Variants in CSMD1 observed in about 807,000 individuals in gnomAD.
CSMD1 encodes the protein CUB and sushi domain-containing protein 1.
CSMD1 carries 213 observed loss-of-function variants against 417.5 expected under a neutral mutation model. The ratio of observed to expected loss-of-function variants is 0.51; its 90% confidence interval spans 0.46 to 0.57. The LOEUF is 0.57. Ranked by LOEUF, CSMD1 falls within the 20% of genes least tolerant of loss-of-function variation. The probability of loss-of-function intolerance (pLI) is 0.00; values close to 1 mark genes in which losing one functional copy is unlikely to be tolerated. For missense variants in CSMD1, 6,923 were observed against 4,529.7 expected, an observed-to-expected ratio of 1.53 and a Z score of -15.17; for synonymous variants, 2,862 against 1,736.8, an observed-to-expected ratio of 1.65 and a Z score of -16.11.
chr8:3,375,046 C>A (rs1375038378), intron 18 of CSMD1: 1 of 152,204 alleles, frequency 6.6e-6, no homozygotes, highest in South Asian at 2.1e-4. Flanking sequence ...TGATGATACA[C>A]CTGCTAGCTC....
In CSMD1 at chr8:4,934,309, A is replaced by G. The variant is rs375023189; in HGVS notation, c.85+60023T>C. 2.6e-4 allele frequency among the ~76,000 whole-genome samples: 39 copies of G among 152,338 alleles called. No individual in the cohort carries two copies. In the East Asian group the frequency reaches 3.9e-3, roughly 15 times the overall value. ...ATCCAACATACAGTTGTCCATATCA[A>G]CATCAACCTTGTTTTGCAGCCCTAT... is the stretch of plus-strand genomic sequence containing the variant. On this transcript the variant is annotated intron_variant, in intron 1 of 69. Transcript: ENST00000635120.
At chr8:3,906,501 T>C (rs759380962) in intron 5 of CSMD1, among the ~76,000 whole-genome samples, 11 of 149,254 alleles carry the variant, frequency 7.4e-5, no homozygotes, top group Non-Finnish European at 1.3e-4. Context: ...GATAAGAGAA[T>C]GAAAAAACAA....
intron 5 of CSMD1, among the ~76,000 whole-genome samples, chr8:3,918,856 A>G (rs919092737): frequency 4.6e-5 from 7 of 152,086 alleles, no homozygotes; most frequent in African/African-American, 1.7e-4. Flanking sequence ...GAATGACACA[A>G]TGGACTTTGG....
chr8:3,266,203 A>G (rs1450669155), intron 26 of CSMD1, among the ~76,000 whole-genome samples: 1 of 150,640 alleles, frequency 6.6e-6, no homozygotes, highest in African/African-American at 2.4e-5. Context: ...AAGAGGCAAA[A>G]TAGTGGCCAG....
intron 52 of CSMD1, among the ~76,000 whole-genome samples, chr8:3,007,358 T>C (rs988811950): frequency 2.0e-5 from 3 of 151,888 alleles, no homozygotes; most frequent in Admixed American, 6.5e-5. Context: ...TGGAAGTCAG[T>C]GTGGCGATTC....
rs73660032 is a variant in CSMD1, at chr8:3,460,458, T to A, written c.1561+8254A>T. The stretch of plus-strand genomic sequence containing the variant: ...TTTGAAACAGTGTAGGAACACTCTC[T>A]ATGTTCATTTTTTTAAAAAAGATAA... On this transcript the variant is annotated intron_variant, in intron 12 of 69. Transcript: ENST00000635120. Among the ~76,000 whole-genome samples, 374 of 152,228 alleles carry A rather than the reference T, an allele frequency of 2.5e-3. 5 individuals are homozygous for A. The highest frequency in any genetic ancestry group is 8.7e-3 in the African/African-American group (360 of 41,534).
chr8:3,508,700 G>C lies in CSMD1; in HGVS notation c.1345-14974C>G, dbSNP rs1000626093. On this transcript the variant is annotated intron_variant, in intron 10 of 69. Coordinates refer to ENST00000635120, the MANE Select transcript of CSMD1 (RefSeq NM_033225.6). The stretch of plus-strand genomic sequence containing the variant: ...ATCTATTATGGAAAATTTTCTGCGA[G>C]TTTTATGTCATGAATATTTTAAAAT... 3.5e-4 allele frequency among the ~76,000 whole-genome samples: 53 copies of C among 151,996 alleles called. 2 individuals carry two copies. The highest frequency in any genetic ancestry group is 2.9e-5 in the Non-Finnish European group (2 of 68,016).
intron 12 of CSMD1, among the ~76,000 whole-genome samples, chr8:3,445,633 G>A (rs1815255961): frequency 1.3e-5 from 2 of 152,102 alleles, no homozygotes; most frequent in Non-Finnish European, 2.9e-5. Flanking sequence ...CCATTCACTT[G>A]GGAGACAGCT....
chr8:3,990,903 G>A (rs1397153797), intron 5 of CSMD1, among the ~76,000 whole-genome samples: 2 of 152,152 alleles, frequency 1.3e-5, no homozygotes, highest in African/African-American at 2.4e-5. Context: ...CCATTCTGAC[G>A]TGAAAGACCC....
intron 4 of CSMD1, among the ~76,000 whole-genome samples, chr8:4,002,245 T>G (rs1460355408): frequency 6.6e-6 from 1 of 151,812 alleles, no homozygotes; most frequent in Middle Eastern, 3.2e-3. Flanking sequence ...GTGCGTGTGT[T>G]TGTGTGTATG....
chr8:3,776,197 T>G (rs1158265193), intron 5 of CSMD1, among the ~76,000 whole-genome samples: 1 of 152,148 alleles, frequency 6.6e-6, no homozygotes, highest in East Asian at 1.9e-4. Context: ...TCTGACCATC[T>G]CAGCACCGGA....
intron 5 of CSMD1, among the ~76,000 whole-genome samples, chr8:3,945,589 A>T (rs539622578): frequency 6.6e-6 from 1 of 152,264 alleles, no homozygotes; most frequent in African/African-American, 2.4e-5. Flanking sequence ...AGAACTCACA[A>T]TTAATATCAT....
chr8:3,730,368 C>A (rs7843037), intron 6 of CSMD1, among the ~76,000 whole-genome samples: 5 of 50,330 alleles, frequency 9.9e-5, no homozygotes, highest in African/African-American at 2.2e-4. Context: ...ATTTAAGGAG[C>A]GATTTTTTTT....
chr8:4,096,091 C>T (rs1471987226), intron 3 of CSMD1, among the ~76,000 whole-genome samples: 2 of 152,004 alleles, frequency 1.3e-5, no homozygotes, highest in Non-Finnish European at 1.5e-5. Context: ...TATGTTATCA[C>T]AAGACTGTTG....
chr8:3,318,397 G>C (rs1160017310), intron 23 of CSMD1, among the ~76,000 whole-genome samples: 2 of 152,110 alleles, frequency 1.3e-5, no homozygotes, highest in Non-Finnish European at 2.9e-5. Flanking sequence ...CATATGAAGT[G>C]CCTGCTCGGC....
chr8:4,252,698 A>G (rs186279203), intron 3 of CSMD1, among the ~76,000 whole-genome samples: 20 of 152,334 alleles, frequency 1.3e-4, no homozygotes, highest in African/African-American at 4.3e-4. Flanking sequence ...AATGCTAACA[A>G]TATCTCATTG....
At position 4,267,727 on chromosome 8, in the gene CSMD1, A is replaced by AG. The variant is rs1804309439; in HGVS notation, c.415+152225dup. Among the ~76,000 whole-genome samples, 5 of 152,258 alleles carry AG rather than the reference A, an allele frequency of 3.3e-5. 1 individual carries two copies. The South Asian group carries it at 1.0e-3, about 32-fold the overall frequency. On this transcript the variant is annotated intron_variant, in intron 3 of 69. Transcript: ENST00000635120. ...CTTTACATCCTCACCAAAGTTCTGAAGATATTCCAAATTGTAAGGTGCCAC... is the reference window on the plus strand; with the variant it reads ...CTTTACATCCTCACCAAAGTTCTGAAGGATATTCCAAATTGTAAGGTGCCAC...
chr8:3,453,242 T>A (rs1448146012), intron 12 of CSMD1, among the ~76,000 whole-genome samples: 1 of 152,134 alleles, frequency 6.6e-6, no homozygotes, highest in East Asian at 1.9e-4. Context: ...CTATCAATTT[T>A]GTTGATCTTT....
At chr8:3,426,101 G>T (rs1461241146) in intron 12 of CSMD1, among the ~76,000 whole-genome samples, 1 of 152,170 alleles carries the variant, frequency 6.6e-6, no homozygotes, top group African/African-American at 2.4e-5. Context: ...ACTATTGCAT[G>T]AATTATACTT....
Sources: gnomAD v4.1 joint callset for allele counts (sites outside exome capture counted in the v4.1 genomes callset) on GRCh38, gnomAD v4.1.1 for gene constraint, MANE v1.5 for transcripts, NCBI Gene and HGNC (gene_info 2026-07-23, HGNC 2026-07-21) for gene names.